The following ZNF75D variants were observed in gnomAD, a reference collection of about 807,000 sequenced individuals.
ZNF75D encodes zinc finger protein 75.
In ZNF75D, 33 loss-of-function variants were observed where a neutral mutation model predicts 33.3. The observed-to-expected ratio is 0.99, with a 90% CI of 0.75 to 1.32. The LOEUF is 1.32. ZNF75D is among the 40% of genes most tolerant of loss of function. The probability of loss-of-function intolerance (pLI) is 0.00; values close to 1 mark genes in which losing one functional copy is unlikely to be tolerated. For synonymous variants in ZNF75D, 113 were observed against 130.6 expected (o/e 0.87, Z 0.92); for missense variants, 338 against 367.5 (o/e 0.92, Z 0.66).
At chrX:135,266,063 A>C (rs2083861865) in intron 1 of ZNF75D, among the ~76,000 whole-genome samples, 1 of 111,831 alleles carries the variant, frequency 8.9e-6, no homozygotes, top group South Asian at 3.7e-4. Flanking sequence ...GTTCAAAATA[A>C]TGGGTTATAA....
chrX:135,267,806 C>CAAAAAAAAAAAAA (rs371405813), intron 1 of ZNF75D, among the ~76,000 whole-genome samples: 1 of 92,561 alleles, frequency 1.1e-5, no homozygotes. Context: ...AAAGATACAC[C>CAAAAAAAAAAAAA]AAAAAAAAAA....
chrX:135,260,720 C>T (rs782122102), intron 1 of ZNF75D, among the ~76,000 whole-genome samples: 2 of 111,819 alleles, frequency 1.8e-5, no homozygotes, highest in South Asian at 7.4e-4. Flanking sequence ...AGCGGTCTAT[C>T]AATTTTGTCA....
chrX:135,290,982 T>C (rs781866425), intron 6 of ZNF75D, 27 bp downstream of exon 6: 3 of 1,196,938 alleles, frequency 2.5e-6, no homozygotes, highest in South Asian at 1.8e-5. Context: ...ACTTAACTTC[T>C]ACACAATGGG....
intron 4 of ZNF75D, 103 bp downstream of exon 4, chrX:135,292,178 G>A: frequency 1.2e-6 from 1 of 828,060 alleles, no homozygotes; most frequent in Admixed American, 2.5e-5. Flanking sequence ...AGACATCATA[G>A]CTGCTAGCAT....
chrX:135,256,612 C>T (rs1280406328), intron 1 of ZNF75D, among the ~76,000 whole-genome samples: 2 of 111,635 alleles, frequency 1.8e-5, no homozygotes, highest in African/African-American at 3.3e-5. Context: ...ACTGGGCTTA[C>T]AACCAGTGAA....
rs782589778 is a variant in ZNF75D at position 135,294,177 on chromosome X, T to G, written c.-37A>C. ...ACAGTTTTACTCTTGTATGTGACAC[T>G]GACACCCACCTGGTACCACCTTTGA... On this transcript the variant is annotated 5_prime_UTR_variant, in exon 3 of 7. Coordinates refer to ENST00000370766, the MANE Select transcript of ZNF75D (RefSeq NM_007131.5). The G allele has an allele frequency of 1.3e-5, 14 of 1,108,205 alleles. No homozygotes were observed. The highest frequency in any genetic ancestry group is 1.7e-5 in the Non-Finnish European group (14 of 826,811). The allele number at this position is 1,108,205 out of a possible 1,213,427, so 91.3% of individuals were successfully genotyped here.
chrX:135,261,450 T>C (rs782653652), intron 1 of ZNF75D, among the ~76,000 whole-genome samples: 2 of 112,093 alleles, frequency 1.8e-5, no homozygotes, highest in South Asian at 7.5e-4. Context: ...TGCAGGTCTC[T>C]AAGGACTTGC....
intron 2 of ZNF75D, 88 bp from the exon 3 acceptor site, chrX:135,294,346 G>T (rs369356918): frequency 3.0e-6 from 1 of 328,004 alleles, no homozygotes; most frequent in African/African-American, 2.7e-5. Context: ...GGAAAATGAA[G>T]AGAAAAGTTC....
intron 3 of ZNF75D, among the ~76,000 whole-genome samples, chrX:135,293,233 C>T (rs1384326553): frequency 1.8e-5 from 2 of 111,955 alleles, no homozygotes; most frequent in East Asian, 5.6e-4. Flanking sequence ...CTCCACTTCT[C>T]TGTTGGCAAT....
At chrX:135,270,352 C>CATATATATATATATATATAT (rs530211370) in intron 1 of ZNF75D, among the ~76,000 whole-genome samples, 2 of 63,504 alleles carry the variant, frequency 3.1e-5, no homozygotes, top group African/African-American at 5.5e-5. Flanking sequence ...CAAAATATCT[C>CATATATATATATATATATAT]ATATATATAT....
intron 1 of ZNF75D, among the ~76,000 whole-genome samples, chrX:135,329,338 C>A (rs967529167): frequency 9.0e-6 from 1 of 111,711 alleles, no homozygotes; most frequent in Non-Finnish European, 1.9e-5. Flanking sequence ...AGCTGGAGTG[C>A]AGTGGTATGA....
rs914284963 is a variant in ZNF75D at position 135,302,822 on chromosome X, C to T, written c.-390-6783G>A. Among the ~76,000 whole-genome samples, 110 of 110,351 alleles carry T rather than the reference C, an allele frequency of 1.0e-3. 2 individuals carry two copies. Among genetic ancestry groups the T allele is most frequent in the Non-Finnish European group, 4.5e-4 (24 of 52,777 alleles). On this transcript the variant is annotated intron_variant, in intron 1 of 6. Coordinates refer to ENST00000370766, the MANE Select transcript of ZNF75D (RefSeq NM_007131.5). ...ACTTGGAAAAGAAGAGACACAGAGA[C>T]AAAGTATAGAGAAAGAAAAAAGGGG... is the stretch of plus-strand genomic sequence containing the variant.
At chrX:135,339,088 T>C (rs1053648717) in intron 1 of ZNF75D, among the ~76,000 whole-genome samples, 21 of 110,554 alleles carry the variant, frequency 1.9e-4, no homozygotes, top group African/African-American at 6.9e-4. Flanking sequence ...CCCAAGAAAT[T>C]GTCTGGCTAC....
At chrX:135,258,144 A>C (rs2083816574) in intron 1 of ZNF75D, among the ~76,000 whole-genome samples, 1 of 99,062 alleles carries the variant, frequency 1.0e-5, no homozygotes, top group South Asian at 4.1e-4. Context: ...ACATGAACTC[A>C]TCATTTTTTA....
intron 1 of ZNF75D, among the ~76,000 whole-genome samples, chrX:135,269,719 C>T (rs1263132866): frequency 1.8e-5 from 2 of 111,389 alleles, no homozygotes; most frequent in African/African-American, 6.5e-5. Context: ...ATAGAGCTAC[C>T]ACAGGATCCA....
intron 1 of ZNF75D, among the ~76,000 whole-genome samples, chrX:135,340,374 C>G (rs1311354903): frequency 4.5e-5 from 5 of 111,810 alleles, no homozygotes; most frequent in Admixed American, 1.9e-4. Flanking sequence ...GATTCCAAAT[C>G]CCCAAAATTA....
Position 135,292,491 on chromosome X carries a change from C to A in ZNF75D, c.412-18G>T. 8.3e-7 allele frequency: 1 copy of A among 1,204,888 alleles called. No homozygotes were observed. Among genetic ancestry groups the A allele is most frequent in the East Asian group, 3.0e-5 (1 of 33,818 alleles). ...GCTGTGACCTAGAAATAATCCCCATCCTCATTAGCACAGAACTTACTTTTG... is the reference window on the plus strand; with the variant it reads ...GCTGTGACCTAGAAATAATCCCCATACTCATTAGCACAGAACTTACTTTTG... On this transcript the variant is annotated intron_variant, in intron 3 of 6. Coordinates refer to ENST00000370766, the MANE Select transcript of ZNF75D (RefSeq NM_007131.5).
chrX:135,261,892 C>T (rs6638340), intron 1 of ZNF75D, among the ~76,000 whole-genome samples: 5 of 111,881 alleles, frequency 4.5e-5, no homozygotes, highest in African/African-American at 6.5e-5. Context: ...TTCATAGCAT[C>T]GATGGTCTTT....
chrX:135,316,004 C>T (rs1556431463), intron 1 of ZNF75D, among the ~76,000 whole-genome samples: 1 of 111,714 alleles, frequency 9.0e-6, no homozygotes, highest in African/African-American at 3.2e-5. Context: ...ATCTCTGTTC[C>T]TTTTTTTCCC....
Sources: allele counts gnomAD v4.1 joint callset (sites outside exome capture counted in the v4.1 genomes callset), GRCh38; gene constraint gnomAD v4.1.1; transcripts MANE v1.5; gene names NCBI Gene and HGNC (gene_info 2026-07-23, HGNC 2026-07-21).